GSG1L: variants seen among roughly 807,000 people sequenced by gnomAD.
GSG1L encodes GSG1 like.
Under a neutral mutation model 42.1 loss-of-function variants are expected in GSG1L, and 24 were observed. That is an observed-to-expected ratio of 0.57 (90% CI 0.41 to 0.80). The LOEUF is 0.80. GSG1L is among the 30% of genes least tolerant of loss of function. The pLI, the probability that GSG1L is intolerant of heterozygous loss-of-function variation, is 0.00. For missense variants in GSG1L, 445 were observed against 472.2 expected, an observed-to-expected ratio of 0.94 and a Z score of 0.53; for synonymous variants, 215 against 203.5, an observed-to-expected ratio of 1.06 and a Z score of -0.48.
At chr16:28,011,027 C>T (rs981347420) in intron 1 of GSG1L, among the ~76,000 whole-genome samples, 3 of 152,170 alleles carry the variant, frequency 2.0e-5, no homozygotes. Context: ...GGCTGCACTC[C>T]TTGGATGCCC....
At chr16:27,845,189 G>A (rs774493703) in intron 3 of GSG1L, 128 bp from the exon 4 acceptor site, 4 of 590,824 alleles carry the variant, frequency 6.8e-6, no homozygotes, top group Non-Finnish European at 1.2e-5. Context: ...GGACCTCTGG[G>A]TAAGGGAGGT....
chr16:28,058,308 G>A (rs550040671), intron 1 of GSG1L, among the ~76,000 whole-genome samples: 16 of 152,296 alleles, frequency 1.1e-4, no homozygotes, highest in South Asian at 8.3e-4. Flanking sequence ...CACCCACCTC[G>A]TAGGGCTATT....
At chr16:28,030,368 G>A (rs1280909923) in intron 1 of GSG1L, among the ~76,000 whole-genome samples, 2 of 152,158 alleles carry the variant, frequency 1.3e-5, no homozygotes, top group African/African-American at 4.8e-5. Flanking sequence ...TTTTACTGGT[G>A]CCAAACTGGG....
chr16:28,041,417 AC>A (rs2086104509), intron 1 of GSG1L, among the ~76,000 whole-genome samples: 1 of 151,976 alleles, frequency 6.6e-6, no homozygotes, highest in African/African-American at 2.4e-5. Flanking sequence ...ACACCACTGC[AC>A]TCCAGCCTGG....
chr16:27,843,287 C>T (rs927678630), intron 4 of GSG1L, among the ~76,000 whole-genome samples: 2 of 152,084 alleles, frequency 1.3e-5, no homozygotes, highest in Non-Finnish European at 2.9e-5. Context: ...GAGGCTAATG[C>T]CACGCTCTGG....
intron 4 of GSG1L, among the ~76,000 whole-genome samples, chr16:27,841,048 T>C (rs1386580907): frequency 6.6e-6 from 1 of 152,194 alleles, no homozygotes; most frequent in East Asian, 1.9e-4. Context: ...CTATTATTAC[T>C]ACATAATAAC....
chr16:27,884,453 C>T lies in GSG1L; in HGVS notation c.550+33G>A, dbSNP rs1567503637. On this transcript the variant is annotated intron_variant, in intron 3 of 6. Transcript: ENST00000447459. This position sits in a 1 kb window ranked among gnomAD's most constrained non-coding sequence, Gnocchi z 4.4. ...AGGGCAGCACCCTTTCTCGCCTGTGCTCTGAGAGGCCACAGGACCAGCCAT... is the reference window on the plus strand; with the variant it reads ...AGGGCAGCACCCTTTCTCGCCTGTGTTCTGAGAGGCCACAGGACCAGCCAT... The T allele has an allele frequency of 6.3e-7, 1 of 1,598,040 alleles. No individual in the cohort carries two copies. The highest frequency in any genetic ancestry group is 8.5e-7 in the Non-Finnish European group (1 of 1,170,116).
At chr16:27,902,363 A>T (rs1460600690) in intron 2 of GSG1L, among the ~76,000 whole-genome samples, 1 of 152,168 alleles carries the variant, frequency 6.6e-6, no homozygotes, top group Non-Finnish European at 1.5e-5. Context: ...AGAGATGAGA[A>T]AAGGCCACGG....
At chr16:27,969,881 T>A (rs923249596) in intron 1 of GSG1L, among the ~76,000 whole-genome samples, 1 of 152,220 alleles carries the variant, frequency 6.6e-6, no homozygotes, top group African/African-American at 2.4e-5. Flanking sequence ...ATTGTTCGTC[T>A]TTTTTTATTA....
intron 1 of GSG1L, among the ~76,000 whole-genome samples, chr16:27,989,117 T>G (rs2085425719): frequency 6.6e-6 from 1 of 151,228 alleles, no homozygotes; most frequent in Non-Finnish European, 1.5e-5. Context: ...GGAGAGACAG[T>G]TTCACGCTGT....
chr16:28,014,171 A>AT (rs1345995285), intron 1 of GSG1L, among the ~76,000 whole-genome samples: 1 of 152,240 alleles, frequency 6.6e-6, no homozygotes, highest in Non-Finnish European at 1.5e-5. Flanking sequence ...GGAAGTGGCC[A>AT]TTTTGTGCTG....
At chr16:28,021,261 T>C (rs185768032) in intron 1 of GSG1L, among the ~76,000 whole-genome samples, 32 of 152,160 alleles carry the variant, frequency 2.1e-4, no homozygotes, top group African/African-American at 7.2e-4. Flanking sequence ...CACAGACTTA[T>C]CAGGTGGCAA....
At chr16:28,062,417 A>G (rs1299148211) in intron 1 of GSG1L, among the ~76,000 whole-genome samples, 1 of 152,166 alleles carries the variant, frequency 6.6e-6, no homozygotes, top group Non-Finnish European at 1.5e-5. Context: ...AGCTGTCCCC[A>G]GTTCCCTAGC....
At chr16:27,921,836 C>T (rs1482398661) in intron 2 of GSG1L, among the ~76,000 whole-genome samples, 1 of 152,148 alleles carries the variant, frequency 6.6e-6, no homozygotes, top group Non-Finnish European at 1.5e-5. Flanking sequence ...ACCTGTGACC[C>T]ACTATTGTTG....
intron 6 of GSG1L, among the ~76,000 whole-genome samples, chr16:27,793,541 G>A (rs1436820051): frequency 6.6e-6 from 1 of 152,056 alleles, no homozygotes; most frequent in Admixed American, 6.6e-5. Flanking sequence ...AGGTATGATT[G>A]TTTTTCTAAA....
At position 28,033,214 on chromosome 16, in the gene GSG1L, C is replaced by T. The variant is rs542173793; in HGVS notation, c.349+29862G>A. Among the ~76,000 whole-genome samples, 8 of 152,280 alleles carry T rather than the reference C, an allele frequency of 5.3e-5. No individual in the cohort carries two copies. In the East Asian group the frequency reaches 7.7e-4, roughly 15 times the overall value. On this transcript the variant is annotated intron_variant, in intron 1 of 6. Coordinates refer to ENST00000447459, the MANE Select transcript of GSG1L (RefSeq NM_001109763.2). ...CTGGACCACTTCTTCCCTCTCTTAC[C>T]GTCCTCTAGGTAACTCAAGTGTCAC... is the stretch of plus-strand genomic sequence containing the variant.
chr16:28,050,173 G>A (rs2086206547), intron 1 of GSG1L, among the ~76,000 whole-genome samples: 1 of 149,702 alleles, frequency 6.7e-6, no homozygotes, highest in Non-Finnish European at 1.5e-5. Flanking sequence ...TATTACAAAG[G>A]AGAGCAAATC....
rs189636711 is a variant in GSG1L at position 27,955,053 on chromosome 16, A to C, written c.397+8103T>G. Among the ~76,000 whole-genome samples, 331 of 152,352 alleles carry C rather than the reference A, an allele frequency of 2.2e-3. 4 individuals carry two copies. Among genetic ancestry groups the C allele is most frequent in the Middle Eastern group, 3.4e-3 (1 of 294 alleles). ...CCATCTCCACTGTATCTTGAGCTTC[A>C]AAATAGTAAGTTCGCACCTCACTGT... On this transcript the variant is annotated intron_variant, in intron 2 of 6. Transcript: ENST00000447459.
In GSG1L at chr16:27,934,640, G is replaced by C. The variant is rs572967998; in HGVS notation, c.397+28516C>G. 5.9e-5 allele frequency among the ~76,000 whole-genome samples: 9 copies of C among 152,344 alleles called. No homozygotes were observed. The East Asian group carries it at 1.7e-3, about 29-fold the overall frequency. On this transcript the variant is annotated intron_variant, in intron 2 of 6. Coordinates refer to ENST00000447459, the MANE Select transcript of GSG1L (RefSeq NM_001109763.2). ...AGAGTGGAGAAGTTGAAGAGACCCA[G>C]AGGAGCATGGCACCATGGGAGAGCT...
Sources: gnomAD v4.1 joint callset for allele counts (sites outside exome capture counted in the v4.1 genomes callset) on GRCh38, gnomAD v4.1.1 for gene constraint, Gnocchi (gnomAD v3.1) non-coding constraint, MANE v1.5 for transcripts, NCBI Gene and HGNC (gene_info 2026-07-23, HGNC 2026-07-21) for gene names.